Variants in STARD13 observed in about 807,000 individuals in gnomAD.
STARD13 encodes stAR-related lipid transfer protein 13.
In STARD13, 62 loss-of-function variants were observed where a neutral mutation model predicts 106.4. The ratio of observed to expected loss-of-function variants is 0.58; its 90% CI spans 0.48 to 0.72. STARD13 has a LOEUF of 0.72. Ranked by LOEUF, STARD13 falls within the 30% of genes least tolerant of loss-of-function variation. STARD13 has a pLI of 0.00. For missense variants in STARD13, 1,387 were observed against 1,424.0 expected, an observed-to-expected ratio of 0.97 and a Z score of 0.42; for synonymous variants, 565 against 553.0, an observed-to-expected ratio of 1.02 and a Z score of -0.31.
chr13:33,206,406 AT>A (rs1156730821), intron 1 of STARD13, among the ~76,000 whole-genome samples: 1 of 148,502 alleles, frequency 6.7e-6, no homozygotes, highest in Non-Finnish European at 1.5e-5. Context: ...CCCATAAATA[AT>A]TTTTAATCTG....
At chr13:33,608,935 A>C in the STARD13 span, among the ~76,000 whole-genome samples, 4 of 151,568 alleles carry the variant, frequency 2.6e-5, no homozygotes, top group African/African-American at 9.7e-5. Context: ...AAATACAAAA[A>C]ATTAGCCGGG....
At chr13:33,177,751 AAAGG>A (rs1383545973) in intron 1 of STARD13, among the ~76,000 whole-genome samples, 2 of 60,872 alleles carry the variant, frequency 3.3e-5, no homozygotes, top group South Asian at 5.1e-4. Flanking sequence ...AGGAAGGAAA[AAAGG>A]AAGGAAGGAA....
intron 1 of STARD13, among the ~76,000 whole-genome samples, chr13:33,298,754 C>G (rs1309833728): frequency 6.6e-6 from 1 of 151,976 alleles, no homozygotes; most frequent in Non-Finnish European, 1.5e-5. Context: ...CAAAAGCAAA[C>G]TAGTTGAATG....
intron 1 of STARD13, among the ~76,000 whole-genome samples, chr13:33,215,121 G>T (rs1051168391): frequency 2.2e-4 from 13 of 58,668 alleles, no homozygotes; most frequent in African/African-American, 7.0e-4. Flanking sequence ...TGAGTACTTG[G>T]GGGGGGGGGT....
chr13:33,449,091 A>G, the STARD13 span, among the ~76,000 whole-genome samples: 2 of 151,972 alleles, frequency 1.3e-5, no homozygotes, highest in Non-Finnish European at 2.9e-5. Flanking sequence ...CAAAAAAAAA[A>G]AATAGGTTGA....
chr13:33,304,757 T>C (rs1009318066), intron 1 of STARD13, among the ~76,000 whole-genome samples: 3 of 152,236 alleles, frequency 2.0e-5, no homozygotes, highest in Non-Finnish European at 4.4e-5. Flanking sequence ...TAAAACACTT[T>C]GTTTTACTTC....
the STARD13 span, among the ~76,000 whole-genome samples, chr13:33,517,501 G>T: frequency 6.6e-6 from 1 of 152,264 alleles, no homozygotes; most frequent in African/African-American, 2.4e-5. Context: ...TGTTCCTACT[G>T]GCCCTGAAGG....
At chr13:33,192,040 G>C (rs974787876) in intron 1 of STARD13, among the ~76,000 whole-genome samples, 1 of 152,234 alleles carries the variant, frequency 6.6e-6, no homozygotes, top group Non-Finnish European at 1.5e-5. Context: ...CAGGTTACAG[G>C]AGTCTGTGAG....
the STARD13 span, among the ~76,000 whole-genome samples, chr13:33,662,038 G>A: frequency 1.7e-4 from 26 of 151,902 alleles, no homozygotes; most frequent in African/African-American, 5.6e-4. Flanking sequence ...CGAGGTGGGC[G>A]GATCACGAGG....
the STARD13 span, among the ~76,000 whole-genome samples, chr13:33,627,942 A>C: frequency 6.6e-6 from 1 of 151,070 alleles, no homozygotes; most frequent in African/African-American, 2.5e-5. Flanking sequence ...ACTTTGCGTA[A>C]TTTTAGGCTA....
At chr13:33,598,563 A>G in the STARD13 span, among the ~76,000 whole-genome samples, 5,541 of 152,322 alleles carry the variant, frequency 0.036, 260 homozygotes, top group African/African-American at 0.099. Flanking sequence ...TATGTGAGAA[A>G]AAGTTTTAGC....
the STARD13 span, among the ~76,000 whole-genome samples, chr13:33,513,458 G>T: frequency 1.3e-5 from 2 of 152,112 alleles, no homozygotes; most frequent in African/African-American, 4.8e-5. Flanking sequence ...AGAGACATAC[G>T]TGATTCACTG....
At chr13:33,397,033 T>TA in the STARD13 span, among the ~76,000 whole-genome samples, 1 of 151,660 alleles carries the variant, frequency 6.6e-6, no homozygotes, top group African/African-American at 2.4e-5. Flanking sequence ...AATTGGAGAG[T>TA]AGGGAGCTGT....
chr13:33,202,082 T>C (rs1421507196), intron 1 of STARD13, among the ~76,000 whole-genome samples: 6 of 152,220 alleles, frequency 3.9e-5, no homozygotes, highest in Non-Finnish European at 7.3e-5. Context: ...AGGATCTTGA[T>C]AAATGCTGCC....
intron 3 of STARD13, among the ~76,000 whole-genome samples, chr13:33,143,691 C>A (rs1036263361): frequency 5.3e-5 from 8 of 152,114 alleles, no homozygotes; most frequent in African/African-American, 1.9e-4. Context: ...GTAGCTGGGA[C>A]TACAGGTGCA....
chr13:33,497,340 G>A, the STARD13 span, among the ~76,000 whole-genome samples: 5 of 152,144 alleles, frequency 3.3e-5, no homozygotes, highest in East Asian at 1.9e-4. Flanking sequence ...GTCATCTAAA[G>A]GACTGTGTAT....
At chr13:33,195,120 A>G (rs1886521295) in intron 1 of STARD13, among the ~76,000 whole-genome samples, 2 of 152,258 alleles carry the variant, frequency 1.3e-5, no homozygotes, top group Admixed American at 1.3e-4. Context: ...ATGTTCAATG[A>G]GAATACATTC....
At chr13:33,212,100 T>C (rs1359736166) in intron 1 of STARD13, among the ~76,000 whole-genome samples, 1 of 152,084 alleles carries the variant, frequency 6.6e-6, no homozygotes, top group Admixed American at 6.6e-5. Context: ...TAGTCAAAAG[T>C]GTGGTTTCAG....
At chr13:33,456,400 G>T in the STARD13 span, among the ~76,000 whole-genome samples, 6 of 152,114 alleles carry the variant, frequency 3.9e-5, no homozygotes, top group Admixed American at 6.6e-5. Flanking sequence ...ATGTTGGCCA[G>T]GCTGGTCTCG....
Sources: gnomAD v4.1 joint callset for allele counts (sites outside exome capture counted in the v4.1 genomes callset) on GRCh38, gnomAD v4.1.1 for gene constraint, MANE v1.5 for transcripts, NCBI Gene and HGNC (gene_info 2026-07-23, HGNC 2026-07-21) for gene names.